DPP10: variants seen among roughly 807,000 people sequenced by gnomAD.
DPP10 encodes the protein inactive dipeptidyl peptidase 10.
DPP10 carries 33 observed loss-of-function variants against 120.9 expected under a neutral mutation model. The observed-to-expected ratio is 0.27, with a 90% confidence interval of 0.21 to 0.37. The LOEUF (loss-of-function observed/expected upper bound fraction) is 0.37. DPP10 is among the 10% of genes least tolerant of loss of function. The pLI is 1.00. For missense variants in DPP10, 816 were observed against 942.8 expected, an observed-to-expected ratio of 0.87 and a Z score of 1.76; for synonymous variants, 337 against 326.1, an observed-to-expected ratio of 1.03 and a Z score of -0.36.
chr2:115,322,899 T>A (rs2062139926), intron 2 of DPP10, among the ~76,000 whole-genome samples: 1 of 152,210 alleles, frequency 6.6e-6, no homozygotes. Context: ...TATTTGATGA[T>A]CTGAGCCTTC....
chr2:115,103,175 T>C (rs6747021), intron 1 of DPP10, among the ~76,000 whole-genome samples: 1 of 151,154 alleles, frequency 6.6e-6, no homozygotes, highest in Non-Finnish European at 1.5e-5. Flanking sequence ...ACAATGATTC[T>C]GATTCTCTCT....
In DPP10 at chr2:115,011,815, A is replaced by C. The variant is rs186116800; in HGVS notation, c.61-297424A>C. Among the ~76,000 whole-genome samples, 22 of 152,224 alleles carry C rather than the reference A, an allele frequency of 1.4e-4. No homozygotes were observed. The East Asian group carries it at 4.3e-3, about 30-fold the overall frequency. On this transcript the variant is annotated intron_variant, in intron 1 of 25. Transcript: ENST00000410059. Reference sequence around the variant, plus strand: ...TTTGAAAGAATTGGATCATTGCTGCAGGCTCCCTGAGACACTGAAAACCTG... The same window carrying C: ...TTTGAAAGAATTGGATCATTGCTGCCGGCTCCCTGAGACACTGAAAACCTG...
chr2:115,276,092 A>T (rs1302057405), intron 1 of DPP10, among the ~76,000 whole-genome samples: 1 of 151,882 alleles, frequency 6.6e-6, no homozygotes, highest in African/African-American at 2.4e-5. Context: ...CTTTTTCCGG[A>T]TGGATATGTG....
intron 2 of DPP10, among the ~76,000 whole-genome samples, chr2:115,338,588 G>C (rs536461090): frequency 2.0e-4 from 30 of 152,152 alleles, no homozygotes; most frequent in Non-Finnish European, 3.8e-4. Flanking sequence ...AGCCTCCCAA[G>C]CAGCTGGGAT....
At chr2:115,613,512 C>T (rs531381159) in intron 5 of DPP10, among the ~76,000 whole-genome samples, 1 of 152,306 alleles carries the variant, frequency 6.6e-6, no homozygotes, top group Non-Finnish European at 1.5e-5. Context: ...TCACTACTGC[C>T]TCTCCACGAT....
chr2:115,062,315 G>T (rs1706483038), intron 1 of DPP10, among the ~76,000 whole-genome samples: 1 of 151,988 alleles, frequency 6.6e-6, no homozygotes, highest in Admixed American at 6.6e-5. Flanking sequence ...GTATTTCCAT[G>T]AGCTTAATTT....
chr2:115,179,011 G>T (rs775410355), intron 1 of DPP10, among the ~76,000 whole-genome samples: 1 of 152,046 alleles, frequency 6.6e-6, no homozygotes, highest in African/African-American at 2.4e-5. Flanking sequence ...ATGTTAATGG[G>T]GATCTTAACA....
intron 1 of DPP10, among the ~76,000 whole-genome samples, chr2:114,476,779 A>G (rs987459629): frequency 5.9e-5 from 9 of 152,108 alleles, no homozygotes; most frequent in African/African-American, 2.2e-4. Flanking sequence ...GCAATTACCA[A>G]ACTCAGTGAA....
intron 1 of DPP10, among the ~76,000 whole-genome samples, chr2:114,850,033 C>T (rs796374273): frequency 1.4e-4 from 20 of 144,228 alleles, no homozygotes; most frequent in African/African-American, 4.9e-4. Context: ...CTTTCCTTCC[C>T]TTTTCTTCCC....
intron 5 of DPP10, among the ~76,000 whole-genome samples, chr2:115,593,579 A>AC (rs2082806332): frequency 1.6e-5 from 1 of 61,132 alleles, no homozygotes; most frequent in African/African-American, 9.2e-5. Flanking sequence ...AATGGGAAAT[A>AC]AAAAAATGTT....
At chr2:115,003,793 G>A (rs1701618914) in intron 1 of DPP10, among the ~76,000 whole-genome samples, 1 of 152,042 alleles carries the variant, frequency 6.6e-6, no homozygotes, top group Non-Finnish European at 1.5e-5. Context: ...AATTGTAAAA[G>A]CAATCTATTG....
intron 5 of DPP10, among the ~76,000 whole-genome samples, chr2:115,640,415 AT>A (rs2086684341): frequency 6.7e-6 from 1 of 149,706 alleles, no homozygotes; most frequent in Non-Finnish European, 1.5e-5. Flanking sequence ...ATGTGTCTTC[AT>A]CATACCAAGT....
At chr2:115,297,460 A>G (rs1481558314) in intron 1 of DPP10, among the ~76,000 whole-genome samples, 2 of 152,080 alleles carry the variant, frequency 1.3e-5, no homozygotes, top group Admixed American at 6.6e-5. Flanking sequence ...AGCTATTGAG[A>G]ATCAATATTT....
chr2:115,174,270 G>A (rs575025901), intron 1 of DPP10, among the ~76,000 whole-genome samples: 20 of 152,224 alleles, frequency 1.3e-4, no homozygotes, highest in South Asian at 2.1e-4. Flanking sequence ...CGCTTTCAAT[G>A]TACATGTTTC....
chr2:115,263,504 T>C (rs1486313515), intron 1 of DPP10, among the ~76,000 whole-genome samples: 1 of 152,238 alleles, frequency 6.6e-6, no homozygotes, highest in Admixed American at 6.5e-5. Context: ...AGGCTATCCT[T>C]GCCTTGATGT....
intron 19 of DPP10, among the ~76,000 whole-genome samples, chr2:115,792,363 G>A (rs576602744): frequency 2.5e-4 from 38 of 152,000 alleles, no homozygotes; most frequent in African/African-American, 8.9e-4. Context: ...ATTCTTTTTT[G>A]TATAGACTGC....
chr2:115,302,118 A>C (rs917722709), intron 1 of DPP10, among the ~76,000 whole-genome samples: 12 of 152,088 alleles, frequency 7.9e-5, no homozygotes, highest in Non-Finnish European at 1.6e-4. Flanking sequence ...AGCAGGAGAG[A>C]GAGTGAGTGA....
At chr2:115,590,437 G>A (rs1163797067) in intron 5 of DPP10, among the ~76,000 whole-genome samples, 3 of 152,010 alleles carry the variant, frequency 2.0e-5, no homozygotes, top group Admixed American at 6.6e-5. Flanking sequence ...CTGTCCTTGC[G>A]ATAGTTTGCT....
At chr2:115,636,182 G>A (rs766407655) in intron 5 of DPP10, among the ~76,000 whole-genome samples, 4 of 150,862 alleles carry the variant, frequency 2.7e-5, no homozygotes, top group Non-Finnish European at 4.4e-5. Flanking sequence ...AATCTATGAT[G>A]GTATGCTTTG....
Sources: gnomAD v4.1 joint callset for allele counts (sites outside exome capture counted in the v4.1 genomes callset) on GRCh38, gnomAD v4.1.1 for gene constraint, MANE v1.5 for transcripts, NCBI Gene and HGNC (gene_info 2026-07-23, HGNC 2026-07-21) for gene names.